Variants in WDR59 observed in about 807,000 individuals in gnomAD.
The protein encoded by WDR59 is GATOR2 complex protein WDR59.
Under a neutral mutation model 131.2 loss-of-function variants are expected in WDR59, and 100 were observed. The ratio of observed to expected loss-of-function variants is 0.76; its 90% CI spans 0.65 to 0.90. WDR59 has a LOEUF of 0.90. Ranked by LOEUF, WDR59 falls within the 40% of genes least tolerant of loss-of-function variation. WDR59 has a pLI of 0.00. For synonymous variants in WDR59, 601 were observed against 466.2 expected (o/e 1.29, Z -3.72); for missense variants, 1,203 against 1,262.2 (o/e 0.95, Z 0.71).
intron 13 of WDR59, among the ~76,000 whole-genome samples, chr16:74,913,828 G>A (rs576993452): frequency 3.9e-5 from 6 of 152,196 alleles, no homozygotes; most frequent in African/African-American, 1.4e-4. Context: ...TTCTGGGAAT[G>A]ATGAATATGT....
intron 2 of WDR59, among the ~76,000 whole-genome samples, chr16:74,960,261 G>A (rs541734078): frequency 9.5e-4 from 144 of 151,808 alleles, no homozygotes; most frequent in African/African-American, 3.4e-3. Context: ...AACCCAGGAG[G>A]CAGAGGTTGC....
rs1964104712 is a variant in WDR59, at chr16:74,874,416, C to T, written c.2718G>A (p.Arg906=). The T allele has an allele frequency of 6.2e-7, 1 of 1,614,042 alleles. No homozygotes were observed. The highest frequency in any genetic ancestry group is 1.3e-5 in the African/African-American group (1 of 75,024). ...CACACTGCGTGCCACGGACCTCACTCCGGCAGTGGCTGCAGTACACGCCGA... is the reference window on the plus strand; with the variant it reads ...CACACTGCGTGCCACGGACCTCACTTCGGCAGTGGCTGCAGTACACGCCGA... The part of the protein sequence containing the change: ...IEFGVYCSHC[R]SEVRGTQCAI... Residue 906 remains arginine (R), a synonymous_variant, in exon 26 of 26, where the codon CGG becomes CGA. Coordinates refer to ENST00000262144, the MANE Select transcript of WDR59 (RefSeq NM_030581.4).
intron 1 of WDR59, among the ~76,000 whole-genome samples, chr16:74,983,911 C>T (rs111672317): frequency 0.024 from 3,566 of 151,720 alleles, 160 homozygotes; most frequent in African/African-American, 0.082. Context: ...CCCAGGAGGT[C>T]GAAGCTGAAC....
chr16:74,911,924 T>C (rs1356620980), intron 14 of WDR59: 7 of 544,500 alleles, frequency 1.3e-5, no homozygotes, highest in African/African-American at 1.1e-4. Context: ...TCTCAAATCA[T>C]ATGCAATCAT....
intron 18 of WDR59, among the ~76,000 whole-genome samples, chr16:74,895,543 A>G (rs4887788): frequency 0.21 from 32,428 of 152,212 alleles, 3,797 homozygotes; most frequent in Non-Finnish European, 0.26. Context: ...GATTACAGGC[A>G]TGAGCCACCA....
At chr16:74,898,383 A>G (rs1385861298) in intron 18 of WDR59, among the ~76,000 whole-genome samples, 1 of 152,236 alleles carries the variant, frequency 6.6e-6, no homozygotes, top group Non-Finnish European at 1.5e-5. Context: ...TCAATGCTCC[A>G]TCAATAGAAA....
intron 25 of WDR59, among the ~76,000 whole-genome samples, chr16:74,880,534 T>C (rs1013410314): frequency 1.3e-5 from 2 of 152,188 alleles, no homozygotes; most frequent in Admixed American, 1.3e-4. Flanking sequence ...TATGTGGACA[T>C]GAAGCCCACA....
intron 11 of WDR59, among the ~76,000 whole-genome samples, chr16:74,916,571 A>G (rs17763066): frequency 0.5 from 75,681 of 152,074 alleles, 21,803 homozygotes; most frequent in Non-Finnish European, 0.63. Flanking sequence ...CAAAAATATC[A>G]TAACCGGCCA....
At position 74,874,702 on chromosome 16, in the gene WDR59, C is replaced by T. The variant is rs114337591; in HGVS notation, c.2690-258G>A. On this transcript the variant is annotated intron_variant, in intron 25 of 25. Coordinates refer to ENST00000262144, the MANE Select transcript of WDR59 (RefSeq NM_030581.4). ...CCTTCACAGCCCGGATTCAAGTGTC[C>T]TGCCTCAGCCTCCCGAGTAGCTGGA... is the stretch of plus-strand genomic sequence containing the variant. 2.3e-3 allele frequency among the ~76,000 whole-genome samples: 346 copies of T among 152,278 alleles called. 1 individual carries two copies. Among genetic ancestry groups the T allele is most frequent in the African/African-American group, 7.3e-3 (305 of 41,534 alleles).
chr16:74,967,842 A>G (rs1000439187), intron 1 of WDR59, among the ~76,000 whole-genome samples: 5 of 142,024 alleles, frequency 3.5e-5, no homozygotes, highest in African/African-American at 1.1e-4. Flanking sequence ...TGGGCAATAA[A>G]GCGAGACTCG....
intron 6 of WDR59, 108 bp downstream of exon 6, chr16:74,948,411 G>T (rs2032783586): frequency 1.9e-6 from 2 of 1,064,322 alleles, no homozygotes; most frequent in East Asian, 4.7e-5. Context: ...GACAGAGGCA[G>T]TTAGAGAGGG....
chr16:74,894,815 C>T (rs1423937682), intron 18 of WDR59, among the ~76,000 whole-genome samples: 1 of 152,150 alleles, frequency 6.6e-6, no homozygotes, highest in African/African-American at 2.4e-5. Flanking sequence ...TGCTCACTGA[C>T]AACTTATGGC....
At chr16:74,950,003 C>A in intron 4 of WDR59, 11 of 599,930 alleles carry the variant, frequency 1.8e-5, no homozygotes, top group East Asian at 3.6e-5. Flanking sequence ...CCAGCTATAC[C>A]ATCATCTGCT....
At chr16:74,879,418 C>A (rs1293743128) in intron 25 of WDR59, among the ~76,000 whole-genome samples, 2 of 152,186 alleles carry the variant, frequency 1.3e-5, no homozygotes, top group African/African-American at 4.8e-5. Flanking sequence ...AGACACTTGT[C>A]AGACTGTGGA....
chr16:74,984,675 C>G lies in WDR59; in HGVS notation c.54+289G>C. The G allele has an allele frequency of 1.2e-5, 5 of 422,098 alleles. No homozygotes were observed. In the South Asian group the frequency reaches 1.4e-4, roughly 12 times the overall value. The allele number at this position is 422,098 out of a possible 1,614,324, so 26.1% of individuals were successfully genotyped here. The stretch of plus-strand genomic sequence containing the variant: ...CGCTCCGTACCCTGATTGTGGGAAG[C>G]CTCCCCTCAGCACTCACGATGCGCA... On this transcript the variant is annotated intron_variant, in intron 1 of 25. Transcript: ENST00000262144.
At chr16:74,906,320 A>AAAAAAAAAAAC (rs765077670) in intron 17 of WDR59, among the ~76,000 whole-genome samples, 1 of 136,282 alleles carries the variant, frequency 7.3e-6, no homozygotes. Context: ...TCTCAAAAAA[A>AAAAAAAAAAAC]AAAAAACCCA....
At chr16:74,959,835 GAA>G (rs572556438) in intron 2 of WDR59, among the ~76,000 whole-genome samples, 2 of 91,138 alleles carry the variant, frequency 2.2e-5, no homozygotes, top group Admixed American at 1.1e-4. Context: ...ATAACAATAA[GAA>G]AAAAAAAAAA....
At chr16:74,945,379 A>G (rs1441307785) in intron 6 of WDR59, among the ~76,000 whole-genome samples, 1 of 151,838 alleles carries the variant, frequency 6.6e-6, no homozygotes, top group African/African-American at 2.4e-5. Flanking sequence ...CGGGAGGCTG[A>G]GGCAGGAGAA....
intron 25 of WDR59, among the ~76,000 whole-genome samples, chr16:74,880,541 C>T (rs750445964): frequency 1.8e-4 from 28 of 152,102 alleles, no homozygotes; most frequent in Non-Finnish European, 3.5e-4. Context: ...ACATGAAGCC[C>T]ACAAGTCCTC....
Sources: allele counts gnomAD v4.1 joint callset (sites outside exome capture counted in the v4.1 genomes callset), GRCh38; gene constraint gnomAD v4.1.1; transcripts MANE v1.5; gene names NCBI Gene and HGNC (gene_info 2026-07-23, HGNC 2026-07-21).